The following RPP40 variants were observed in gnomAD, a reference collection of about 807,000 sequenced individuals.
RPP40 encodes the protein ribonuclease P/MRP subunit p40.
RPP40 carries 30 observed loss-of-function variants against 42.5 expected under a neutral mutation model. That is an observed-to-expected ratio of 0.71 (90% CI 0.53 to 0.96). The LOEUF (loss-of-function observed/expected upper bound fraction) is 0.96. Among genes scored for constraint, RPP40 ranks in the 40% least tolerant of loss-of-function variants. RPP40 has a pLI of 0.00. For missense variants in RPP40, 426 were observed against 433.5 expected (o/e 0.98, Z 0.15); for synonymous variants, 173 against 164.0 (o/e 1.05, Z -0.42).
chr6:4,995,073 AT>A lies in RPP40; in HGVS notation c.*4del. 1 of 1,601,794 alleles carries A rather than the reference AT, an allele frequency of 6.2e-7. No individual in the cohort carries two copies. Among genetic ancestry groups the A allele is most frequent in the South Asian group, 1.1e-5 (1 of 89,706 alleles). ...TAAGTAAACACGATTTTTAATTTTTATTTTTTATGGTGGACAGTGATCATTT... is the reference window on the plus strand; with the variant it reads ...TAAGTAAACACGATTTTTAATTTTTATTTTTATGGTGGACAGTGATCATTT... On this transcript the variant is annotated 3_prime_UTR_variant, in exon 8 of 8. Coordinates refer to ENST00000380051, the MANE Select transcript of RPP40 (RefSeq NM_006638.4).
At chr6:4,992,383 A>G (rs1051760638), downstream of RPP40, among the ~76,000 whole-genome samples, 12 of 151,670 alleles carry the variant, frequency 7.9e-5, no homozygotes, top group Non-Finnish European at 1.5e-4. Context: ...AAAAAAAAAA[A>G]AAAAAGAAGA....
intron 5 of RPP40, among the ~76,000 whole-genome samples, chr6:4,998,123 T>C (rs1759437439): frequency 6.6e-6 from 1 of 152,192 alleles, no homozygotes; most frequent in Non-Finnish European, 1.5e-5. Flanking sequence ...ATGCTTCCTA[T>C]CCTCCAAAAG....
At chr6:5,001,358 G>A (rs977079816) in intron 2 of RPP40, among the ~76,000 whole-genome samples, 7 of 152,180 alleles carry the variant, frequency 4.6e-5, no homozygotes, top group African/African-American at 7.2e-5. Context: ...AAGGAATAAC[G>A]GTGATGAGAC....
chr6:5,003,142 A>C (rs1364632123), intron 1 of RPP40, among the ~76,000 whole-genome samples: 1 of 151,894 alleles, frequency 6.6e-6, no homozygotes, highest in Admixed American at 6.6e-5. Context: ...AGGTCAGGAG[A>C]TCGAGACCAT....
rs1434519907 is a variant in RPP40, at chr6:4,996,312, T to C, written c.668A>G (p.Gln223Arg). Residue 223 changes from glutamine (Q) to arginine (R), a missense_variant, in exon 6 of 8, where the codon CAG (glutamine) becomes CGG (arginine). By Grantham distance (43) the Gln-to-Arg change is conservative (BLOSUM62 1). Coordinates refer to ENST00000380051, the MANE Select transcript of RPP40 (RefSeq NM_006638.4). ...TLRDLQCPVL[Q>R]SSELEGTPEV... Reference sequence around the variant, plus strand: ...TGGCGTTCCCTCCAGCTCGCTGCTCTGCAGCACTGGGCACTGGAGATCTCT... The same window carrying C: ...TGGCGTTCCCTCCAGCTCGCTGCTCCGCAGCACTGGGCACTGGAGATCTCT... The C allele has an allele frequency of 6.2e-7, 1 of 1,614,214 alleles. No individual in the cohort carries two copies. The highest frequency in any genetic ancestry group is 8.5e-7 in the Non-Finnish European group (1 of 1,180,048).
the RPP40 span, among the ~76,000 whole-genome samples, chr6:4,988,786 G>A: frequency 4.6e-4 from 70 of 152,280 alleles, no homozygotes; most frequent in African/African-American, 1.6e-3. Context: ...GAACATTTGA[G>A]TATGGGTTTT....
chr6:4,990,137 T>C (rs919254586), downstream of RPP40, among the ~76,000 whole-genome samples: 1 of 152,256 alleles, frequency 6.6e-6, no homozygotes, highest in East Asian at 1.9e-4. Flanking sequence ...TTATCAGTAA[T>C]GAATGCTGGA....
Position 4,994,873 on chromosome 6 carries a change from G to C in RPP40, c.*205C>G, listed in dbSNP as rs1759320929. 3 of 575,042 alleles carry C rather than the reference G, an allele frequency of 5.2e-6. No individual in the cohort carries two copies. The highest frequency in any genetic ancestry group is 4.6e-5 in the South Asian group (2 of 43,200). 35.6% of individuals were successfully genotyped at this position (575,042 alleles called of 1,614,324 possible). A position where few individuals can be genotyped will look rare whatever the true frequency, so the allele number is the denominator to read the frequency against. On this transcript the variant is annotated 3_prime_UTR_variant, in exon 8 of 8. Coordinates refer to ENST00000380051, the MANE Select transcript of RPP40 (RefSeq NM_006638.4). ...ACAACCCTGTGCTTATGTTGACAGA[G>C]AGAAATCAACTATGAGCTATTCACT...
downstream of RPP40, among the ~76,000 whole-genome samples, chr6:4,991,704 T>G (rs1759263643): frequency 1.3e-5 from 2 of 152,100 alleles, no homozygotes; most frequent in Non-Finnish European, 1.5e-5. Context: ...TGTTATGAGG[T>G]GTGTGTTGTC....
chr6:5,001,142 T>C (rs1253727585), intron 2 of RPP40: 2 of 456,590 alleles, frequency 4.4e-6, no homozygotes, highest in African/African-American at 4.0e-5. Context: ...TAGATAAACA[T>C]ACACCTCTCA....
downstream of RPP40, among the ~76,000 whole-genome samples, chr6:4,991,476 G>A (rs1246979): frequency 0.24 from 36,771 of 152,004 alleles, 4,640 homozygotes; most frequent in African/African-American, 0.31. Flanking sequence ...ATTTTCTCAA[G>A]AAAAATTTTC....
rs765580492 is a variant in RPP40 at position 4,996,084 on chromosome 6, T to G, written c.760A>C (p.Asn254His). Reference protein sequence around the residue: ...LGAVFSNVDLNNEPNNFISTY... With the variant: ...LGAVFSNVDLHNEPNNFISTY... ...GATATGAAATTATTAGGCTCATTAT[T>G]TCTGTCACCAAAAAAATAAAAGAGA... The change falls in exon 7 of 8, where the codon AAT (asparagine) becomes CAT (histidine). Residue 254 changes from asparagine (N) to histidine (H), a missense_variant and splice_region_variant. Asn to His is a moderately conservative substitution (Grantham distance 68, BLOSUM62 1). Transcript: ENST00000380051. 6.2e-7 allele frequency: 1 copy of G among 1,613,744 alleles called. No homozygotes were observed. The highest frequency in any genetic ancestry group is 8.5e-7 in the Non-Finnish European group (1 of 1,179,834).
chr6:5,002,192 C>A lies in RPP40; in HGVS notation c.177G>T (p.Leu59=). The part of the protein sequence containing the change: ...CGILSEELKN[L]VMNTGPYYFV... ...AGTAATAGGGTCCAGTGTTCATGAC[C>A]AGGTTTTTCAGTTCTTCCGATAGTA... Residue 59 remains leucine, a synonymous_variant, in exon 2 of 8, where the codon CTG becomes CTT. Coordinates refer to ENST00000380051, the MANE Select transcript of RPP40 (RefSeq NM_006638.4). 1 of 1,613,076 alleles carries A rather than the reference C, an allele frequency of 6.2e-7. No individual in the cohort carries two copies. The highest frequency in any genetic ancestry group is 8.5e-7 in the Non-Finnish European group (1 of 1,179,172).
At chr6:4,992,631 A>C (rs1277896354), downstream of RPP40, among the ~76,000 whole-genome samples, 3 of 151,968 alleles carry the variant, frequency 2.0e-5, no homozygotes, top group Non-Finnish European at 4.4e-5. Flanking sequence ...TAATTAGGTC[A>C]TGTTTTTTTC....
Position 4,995,274 on chromosome 6 carries a change from T to C in RPP40, c.896A>G (p.His299Arg), listed in dbSNP as rs1561742677. The change falls in exon 8 of 8, where the codon CAC (histidine) becomes CGC (arginine). Residue 299 changes from histidine to arginine, a missense_variant and splice_region_variant. Transcript: ENST00000380051. Reference sequence around the variant, plus strand: ...AGCTAACTTCGGTTCATCAAAGTAGTGACTGAAAAAAAGGTAGTTGTTAAA... The same window carrying C: ...AGCTAACTTCGGTTCATCAAAGTAGCGACTGAAAAAAAGGTAGTTGTTAAA... Reference protein sequence around the residue: ...KICLLLEHLCHYFDEPKLAPW... With the variant: ...KICLLLEHLCRYFDEPKLAPW... The C allele has an allele frequency of 1.2e-6, 2 of 1,603,666 alleles. No homozygotes were observed. Among genetic ancestry groups the C allele is most frequent in the Non-Finnish European group, 1.7e-6 (2 of 1,175,218 alleles).
intron 1 of RPP40, among the ~76,000 whole-genome samples, chr6:5,003,326 G>A (rs1759630574): frequency 8.6e-6 from 1 of 116,854 alleles, no homozygotes; most frequent in South Asian, 2.9e-4. Flanking sequence ...CAGCCTGGGC[G>A]ACAGAGCGAA....
chr6:5,003,812 T>G, intron 1 of RPP40, 68 bp downstream of exon 1: 1 of 1,526,152 alleles, frequency 6.6e-7, no homozygotes, highest in Admixed American at 2.0e-5. Flanking sequence ...AGCCTAGCAC[T>G]CTCCCCAAAC....
intron 5 of RPP40, among the ~76,000 whole-genome samples, chr6:4,998,440 T>C (rs906636129): frequency 2.6e-5 from 4 of 152,088 alleles, no homozygotes; most frequent in East Asian, 1.9e-4. Context: ...AGGGGAGAAA[T>C]AGATAAAATT....
intron 7 of RPP40, 113 bp downstream of exon 7, chr6:4,995,838 T>C: frequency 2.9e-6 from 3 of 1,030,408 alleles, no homozygotes; most frequent in South Asian, 3.4e-5. Context: ...TTTGAGTTCC[T>C]TTCAATGTAC....
Sources: allele counts gnomAD v4.1 joint callset (sites outside exome capture counted in the v4.1 genomes callset), GRCh38; gene constraint gnomAD v4.1.1; transcripts MANE v1.5; gene names NCBI Gene and HGNC (gene_info 2026-07-23, HGNC 2026-07-21).